The following SORCS1 variants were observed in gnomAD, a reference collection of about 807,000 sequenced individuals.
SORCS1 encodes VPS10 domain-containing receptor SorCS1.
In SORCS1, 60 loss-of-function variants were observed where a neutral mutation model predicts 146.1. That is an observed-to-expected ratio of 0.41 (90% confidence interval 0.33 to 0.51). The LOEUF is 0.51. Among genes scored for constraint, SORCS1 ranks in the 20% least tolerant of loss-of-function variants. The pLI, the probability that SORCS1 is intolerant of heterozygous loss-of-function variation, is 0.21. For synonymous variants in SORCS1, 637 were observed against 584.0 expected, an observed-to-expected ratio of 1.09 and a Z score of -1.31; for missense variants, 1,352 against 1,487.6, an observed-to-expected ratio of 0.91 and a Z score of 1.50.
intron 5 of SORCS1, among the ~76,000 whole-genome samples, chr10:106,758,492 C>T (rs1352309431): frequency 1.3e-5 from 2 of 152,128 alleles, no homozygotes; most frequent in African/African-American, 4.8e-5. Context: ...AAAGATTTGT[C>T]CCTCATGCTT....
At chr10:106,961,738 T>C (rs1325543497) in intron 1 of SORCS1, among the ~76,000 whole-genome samples, 2 of 152,130 alleles carry the variant, frequency 1.3e-5, no homozygotes, top group East Asian at 3.9e-4. Context: ...AGAAGTTCCA[T>C]AGCAACACCT....
At chr10:106,971,636 G>GTT (rs1488776424) in intron 1 of SORCS1, among the ~76,000 whole-genome samples, 2 of 152,210 alleles carry the variant, frequency 1.3e-5, no homozygotes, top group African/African-American at 2.4e-5. Flanking sequence ...GGGCTGAGTA[G>GTT]TTGTAAAACA....
chr10:107,045,976 C>T (rs1959369321), intron 1 of SORCS1, among the ~76,000 whole-genome samples: 1 of 151,348 alleles, frequency 6.6e-6, no homozygotes, highest in African/African-American at 2.4e-5. Context: ...GAAACGGAGT[C>T]TTGCTCTGTC....
intron 2 of SORCS1, among the ~76,000 whole-genome samples, chr10:106,889,513 C>T (rs1345952182): frequency 2.0e-5 from 3 of 152,074 alleles, no homozygotes; most frequent in African/African-American, 7.2e-5. Context: ...CCTGTAATCC[C>T]AGCACTTTGG....
At chr10:106,761,742 A>G in intron 4 of SORCS1, 81 bp from the exon 5 acceptor site, 1 of 1,138,032 alleles carries the variant, frequency 8.8e-7, no homozygotes, top group Non-Finnish European at 1.3e-6. Context: ...GATCAATAGT[A>G]ATAATAATAA....
At chr10:107,144,655 G>A (rs1035594785) in intron 1 of SORCS1, among the ~76,000 whole-genome samples, 7 of 152,224 alleles carry the variant, frequency 4.6e-5, no homozygotes, top group African/African-American at 7.2e-5. Context: ...TGGGCACTCC[G>A]TAGTGAGCAG....
At chr10:106,609,151 C>A in intron 22 of SORCS1, among the ~76,000 whole-genome samples, 1 of 152,174 alleles carries the variant, frequency 6.6e-6, no homozygotes, top group Non-Finnish European at 1.5e-5. Context: ...GAAGCCTGGT[C>A]TGACTGTGAA....
chr10:106,694,084 G>C (rs995016502), intron 9 of SORCS1, among the ~76,000 whole-genome samples: 1 of 152,008 alleles, frequency 6.6e-6, no homozygotes, highest in Non-Finnish European at 1.5e-5. Context: ...TATTTTTCTC[G>C]AGAGGACAAC....
At chr10:107,078,466 G>A (rs1322444550) in intron 1 of SORCS1, among the ~76,000 whole-genome samples, 5 of 152,176 alleles carry the variant, frequency 3.3e-5, no homozygotes, top group Admixed American at 6.5e-5. Flanking sequence ...GCATGTGAAC[G>A]CCTTCTACAT....
chr10:106,813,936 G>C (rs1252769520), intron 3 of SORCS1, among the ~76,000 whole-genome samples: 1 of 152,184 alleles, frequency 6.6e-6, no homozygotes, highest in Non-Finnish European at 1.5e-5. Flanking sequence ...TGAGGCTACA[G>C]AGTGAGACAT....
At chr10:106,693,689 T>C (rs1481550015) in intron 9 of SORCS1, among the ~76,000 whole-genome samples, 5 of 152,194 alleles carry the variant, frequency 3.3e-5, no homozygotes. Flanking sequence ...AAAACACAGG[T>C]ATCTCCCTTG....
At chr10:106,940,897 TA>T (rs967149017) in intron 2 of SORCS1, among the ~76,000 whole-genome samples, 37 of 151,772 alleles carry the variant, frequency 2.4e-4, no homozygotes, top group East Asian at 1.4e-3. Context: ...AAAATAATAA[TA>T]AAAAAAATTA....
chr10:107,080,222 G>A (rs1282968608), intron 1 of SORCS1, among the ~76,000 whole-genome samples: 1 of 152,164 alleles, frequency 6.6e-6, no homozygotes, highest in African/African-American at 2.4e-5. Context: ...TTGAGTGGCT[G>A]ACATTAAGCC....
chr10:106,727,186 A>C (rs763193022), intron 6 of SORCS1, among the ~76,000 whole-genome samples: 3 of 152,210 alleles, frequency 2.0e-5, no homozygotes, highest in Non-Finnish European at 2.9e-5. Context: ...ATACATGCTA[A>C]GGTTTAAGAT....
chr10:107,145,047 C>T (rs1968194142), intron 1 of SORCS1, among the ~76,000 whole-genome samples: 1 of 152,200 alleles, frequency 6.6e-6, no homozygotes, highest in Non-Finnish European at 1.5e-5. Context: ...TGGCAATAAT[C>T]TCTATCTTCC....
At chr10:106,936,014 G>A (rs990259917) in intron 2 of SORCS1, among the ~76,000 whole-genome samples, 2 of 152,134 alleles carry the variant, frequency 1.3e-5, no homozygotes, top group Non-Finnish European at 2.9e-5. Context: ...CATCTGATTG[G>A]AGCATATCTG....
At chr10:107,143,237 A>AT (rs1287654736) in intron 1 of SORCS1, among the ~76,000 whole-genome samples, 1 of 152,074 alleles carries the variant, frequency 6.6e-6, no homozygotes, top group East Asian at 1.9e-4. Flanking sequence ...CATACAATTT[A>AT]TTTTTGCTAT....
intron 22 of SORCS1, among the ~76,000 whole-genome samples, chr10:106,608,373 A>G (rs2133391071): frequency 6.6e-6 from 1 of 152,212 alleles, no homozygotes; most frequent in Admixed American, 6.5e-5. Context: ...TTTATCCTTC[A>G]TGAGTCATCT....
intron 18 of SORCS1, among the ~76,000 whole-genome samples, chr10:106,646,958 G>C (rs1849486780): frequency 1.4e-5 from 2 of 143,704 alleles, no homozygotes; most frequent in Non-Finnish European, 3.0e-5. Flanking sequence ...TGTTCAGCTT[G>C]TTTATGATAT....
Sources: allele counts gnomAD v4.1 joint callset (sites outside exome capture counted in the v4.1 genomes callset), GRCh38; gene constraint gnomAD v4.1.1; transcripts MANE v1.5; gene names NCBI Gene and HGNC (gene_info 2026-07-23, HGNC 2026-07-21).